Variants in NPR3 observed in about 807,000 individuals in gnomAD.
NPR3 encodes the protein natriuretic peptide receptor 3, also known as atrial natriuretic peptide receptor 3.
A neutral mutation model predicts 54.5 loss-of-function variants in NPR3; 34 were observed. The ratio of observed to expected loss-of-function variants is 0.62; its 90% CI spans 0.47 to 0.83. The LOEUF (loss-of-function observed/expected upper bound fraction) is 0.83, where lower values mean the gene tolerates loss of function less well. Among genes scored for constraint, NPR3 ranks in the 40% least tolerant of loss-of-function variants. NPR3 has a pLI of 0.00. For missense variants in NPR3, 674 were observed against 720.8 expected (o/e 0.94, Z 0.74); for synonymous variants, 289 against 297.1 (o/e 0.97, Z 0.28).
chr5:32,783,322 A>G (rs749049767), intron 6 of NPR3: 102 of 276,436 alleles, frequency 3.7e-4, no homozygotes, highest in Non-Finnish European at 4.6e-4. Flanking sequence ...ATCAATTAGT[A>G]AATATCACTC....
intron 4 of NPR3, among the ~76,000 whole-genome samples, chr5:32,778,035 T>A (rs1295046207): frequency 1.3e-5 from 2 of 152,126 alleles, no homozygotes; most frequent in Admixed American, 6.6e-5. Flanking sequence ...AGTTGGGGGA[T>A]GCTGGAGGGC....
At chr5:32,710,113 G>C (rs958979364), upstream of NPR3, 3 of 152,196 alleles carry the variant, frequency 2.0e-5, no homozygotes, top group African/African-American at 7.2e-5. Flanking sequence ...GCCCCGCCGC[G>C]CGGCGGACTC....
chr5:32,715,160 C>T (rs1426950000), intron 1 of NPR3, among the ~76,000 whole-genome samples: 1 of 152,160 alleles, frequency 6.6e-6, no homozygotes, highest in Non-Finnish European at 1.5e-5. Context: ...TGGCTGGCCT[C>T]CTTATGTGAG....
intron 6 of NPR3, among the ~76,000 whole-genome samples, 192 bp from the exon 7 acceptor site, chr5:32,784,604 T>C (rs1742508679): frequency 6.6e-6 from 1 of 152,164 alleles, no homozygotes; most frequent in Non-Finnish European, 1.5e-5. Flanking sequence ...TTCTTAAGCT[T>C]TGCACTGGGC....
At position 32,711,717 on chromosome 5, in the gene NPR3, G is replaced by A. The variant is rs943641876; in HGVS notation, c.-60G>A. On this transcript the variant is annotated 5_prime_UTR_variant, in exon 1 of 8. It adds an upstream start codon to the 5' untranslated region. Coordinates refer to ENST00000265074, the MANE Select transcript of NPR3 (RefSeq NM_001204375.2). ...GAAGAGTGGGGAGGAAAGAGGAAGG[G>A]TGGGTGGGGGGCAGAGGGCGAGTCG... The A allele has an allele frequency of 1.4e-6, 2 of 1,401,618 alleles. No homozygotes were observed. The highest frequency in any genetic ancestry group is 1.5e-5 in the African/African-American group (1 of 66,128). The allele number at this position is 1,401,618 out of a possible 1,614,324, so 86.8% of individuals were successfully genotyped here.
At chr5:32,783,842 G>C (rs1742462067) in intron 6 of NPR3, among the ~76,000 whole-genome samples, 1 of 152,154 alleles carries the variant, frequency 6.6e-6, no homozygotes, top group Non-Finnish European at 1.5e-5. Flanking sequence ...AATGTGTGAA[G>C]AGAAAGAAAT....
intron 3 of NPR3, among the ~76,000 whole-genome samples, chr5:32,746,223 A>T (rs1005257385): frequency 1.3e-5 from 2 of 152,208 alleles, no homozygotes; most frequent in African/African-American, 4.8e-5. Flanking sequence ...TCATGTTTTC[A>T]TGAGCTCGTT....
chr5:32,765,983 A>G (rs1173732), intron 3 of NPR3, among the ~76,000 whole-genome samples: 102,871 of 151,958 alleles, frequency 0.68, 36,033 homozygotes, highest in African/African-American at 0.87. Context: ...CTGTGGCAGT[A>G]GGGGTTGCGG....
chr5:32,711,516 T>C lies in NPR3; in HGVS notation c.-261T>C, dbSNP rs926224578. On this transcript the variant is annotated 5_prime_UTR_variant, in exon 1 of 8. Transcript: ENST00000265074. The stretch of plus-strand genomic sequence containing the variant: ...ATATATACAAGTATATATATATGTA[T>C]ATTACAGACGCACAGGTTTACACCC... 91 of 1,188,346 alleles carry C rather than the reference T, an allele frequency of 7.7e-5. No individual in the cohort carries two copies. Among genetic ancestry groups the C allele is most frequent in the Non-Finnish European group, 9.1e-5 (87 of 961,324 alleles). 73.6% of individuals were successfully genotyped at this position (1,188,346 alleles called of 1,614,324 possible). A position where few individuals can be genotyped will look rare whatever the true frequency, so the allele number is the denominator to read the frequency against.
At chr5:32,748,709 C>A (rs867603735) in intron 3 of NPR3, among the ~76,000 whole-genome samples, 13 of 152,186 alleles carry the variant, frequency 8.5e-5, no homozygotes, top group South Asian at 2.1e-4. Flanking sequence ...CAGAGCAAAG[C>A]AGATGAAGGG....
chr5:32,710,677 A>G, upstream of NPR3: 4 of 1,540,516 alleles, frequency 2.6e-6, no homozygotes, highest in Non-Finnish European at 3.5e-6. Context: ...AGCCATCTGC[A>G]CTGGGACCTT....
intron 1 of NPR3, among the ~76,000 whole-genome samples, chr5:32,719,932 C>G (rs1738766041): frequency 2.0e-5 from 3 of 152,078 alleles, no homozygotes; most frequent in Admixed American, 2.0e-4. Flanking sequence ...TGATATCCCT[C>G]TTTTCCTTCT....
At chr5:32,775,577 T>A (rs527510712) in intron 4 of NPR3, among the ~76,000 whole-genome samples, 2 of 152,096 alleles carry the variant, frequency 1.3e-5, no homozygotes, top group Admixed American at 1.3e-4. Context: ...ATTTTACTTT[T>A]AAAATAGTGA....
At chr5:32,764,061 T>G (rs1441014649) in intron 3 of NPR3, among the ~76,000 whole-genome samples, 1 of 152,176 alleles carries the variant, frequency 6.6e-6, no homozygotes, top group Non-Finnish European at 1.5e-5. Context: ...TCCTCTAGCT[T>G]GGTGGGGTTC....
rs184374232 is a variant in NPR3 at position 32,754,092 on chromosome 5, C to G, written c.1059+15062C>G. Reference sequence around the variant, plus strand: ...TAACCAAGGACTCTGGTGTTTGATGCTGACAGCAGCCACAGTTTTTTAAAG... The same window carrying G: ...TAACCAAGGACTCTGGTGTTTGATGGTGACAGCAGCCACAGTTTTTTAAAG... On this transcript the variant is annotated intron_variant, in intron 3 of 7. Transcript: ENST00000265074. Among the ~76,000 whole-genome samples, 99 of 152,312 alleles carry G rather than the reference C, an allele frequency of 6.5e-4. No homozygotes were observed. The East Asian group carries it at 0.018, about 28-fold the overall frequency.
At chr5:32,724,443 GGT>G (rs1739031129) in intron 1 of NPR3, among the ~76,000 whole-genome samples, 1 of 152,102 alleles carries the variant, frequency 6.6e-6, no homozygotes, top group Non-Finnish European at 1.5e-5. Context: ...GGACATTTTT[GGT>G]CCTCAAAGTG....
At chr5:32,759,408 C>G (rs986655269) in intron 3 of NPR3, among the ~76,000 whole-genome samples, 1 of 151,768 alleles carries the variant, frequency 6.6e-6, no homozygotes, top group Non-Finnish European at 1.5e-5. Flanking sequence ...TCTGTTTTAT[C>G]AGAGACTAGG....
At chr5:32,693,606 T>C (rs535116342) in intron 1 of NPR3, among the ~76,000 whole-genome samples, 1 of 152,310 alleles carries the variant, frequency 6.6e-6, no homozygotes, top group East Asian at 1.9e-4. Context: ...CATAGCATAT[T>C]TGCCTGCTGT....
intron 2 of NPR3, among the ~76,000 whole-genome samples, chr5:32,731,011 T>A (rs1350569208): frequency 6.6e-6 from 1 of 152,228 alleles, no homozygotes; most frequent in African/African-American, 2.4e-5. Context: ...GCAGAATGTC[T>A]TTCAATTTGG....
Sources: allele counts gnomAD v4.1 joint callset (sites outside exome capture counted in the v4.1 genomes callset), GRCh38; gene constraint gnomAD v4.1.1; transcripts MANE v1.5; gene names NCBI Gene and HGNC (gene_info 2026-07-23, HGNC 2026-07-21).